The following CAMKMT variants were observed in gnomAD, a reference collection of about 807,000 sequenced individuals.
The protein encoded by CAMKMT is calmodulin-lysine N-methyltransferase.
CAMKMT carries 53 observed loss-of-function variants against 48.0 expected under a neutral mutation model. The observed-to-expected ratio is 1.10, with a 90% CI of 0.89 to 1.39. The LOEUF (loss-of-function observed/expected upper bound fraction) is 1.39. Ranked by LOEUF, CAMKMT falls within the 40% of genes most tolerant of loss-of-function variation. The pLI, the probability that CAMKMT is intolerant of heterozygous loss-of-function variation, is 0.00. For missense variants in CAMKMT, 428 were observed against 402.7 expected (o/e 1.06, Z -0.54); for synonymous variants, 165 against 152.3 (o/e 1.08, Z -0.61).
intron 10 of CAMKMT, among the ~76,000 whole-genome samples, chr2:44,767,580 G>A (rs562045965): frequency 1.9e-3 from 291 of 152,214 alleles, no homozygotes; most frequent in Middle Eastern, 3.4e-3. Flanking sequence ...TAGCCTCTGG[G>A]GGAAAAATGG....
intron 3 of CAMKMT, among the ~76,000 whole-genome samples, chr2:44,576,874 A>G (rs577421376): frequency 1.3e-5 from 2 of 152,370 alleles, no homozygotes; most frequent in African/African-American, 4.8e-5. Flanking sequence ...TCATAACAAA[A>G]CAAAAATACT....
intron 3 of CAMKMT, among the ~76,000 whole-genome samples, chr2:44,543,517 G>A (rs920608364): frequency 6.6e-6 from 1 of 152,144 alleles, no homozygotes; most frequent in Non-Finnish European, 1.5e-5. Flanking sequence ...ACTGACTGTG[G>A]TGCTGAATGT....
At chr2:44,614,721 C>G (rs1317791306) in intron 3 of CAMKMT, among the ~76,000 whole-genome samples, 3 of 151,964 alleles carry the variant, frequency 2.0e-5, no homozygotes, top group Admixed American at 2.0e-4. Context: ...ATGCTGAAAG[C>G]CACAAAGAGG....
chr2:44,636,090 TA>T (rs1673114742), intron 3 of CAMKMT, among the ~76,000 whole-genome samples: 1 of 152,326 alleles, frequency 6.6e-6, no homozygotes, highest in African/African-American at 2.4e-5. Flanking sequence ...CTGACAGGAA[TA>T]TTTTTTTCCT....
At chr2:44,729,169 T>C (rs1463187274) in intron 7 of CAMKMT, among the ~76,000 whole-genome samples, 1 of 152,120 alleles carries the variant, frequency 6.6e-6, no homozygotes, top group African/African-American at 2.4e-5. Flanking sequence ...GAGTAAGAGA[T>C]AGCCATTTGG....
chr2:44,417,247 T>A (rs1445720285), intron 3 of CAMKMT, among the ~76,000 whole-genome samples: 2 of 151,978 alleles, frequency 1.3e-5, no homozygotes, highest in African/African-American at 4.8e-5. Context: ...CAAAAAAAAT[T>A]AGCTGGGCGT....
At chr2:44,452,775 A>G (rs896448434) in intron 3 of CAMKMT, among the ~76,000 whole-genome samples, 2 of 152,022 alleles carry the variant, frequency 1.3e-5, no homozygotes, top group Non-Finnish European at 2.9e-5. Flanking sequence ...AATTTTACAA[A>G]TGATTAACCT....
chr2:44,538,193 C>A (rs1666886975), intron 3 of CAMKMT, among the ~76,000 whole-genome samples: 1 of 151,894 alleles, frequency 6.6e-6, no homozygotes, highest in African/African-American at 2.4e-5. Context: ...GATGGTGAAA[C>A]CCTGTCTCTA....
At chr2:44,573,277 A>C (rs1028352295) in intron 3 of CAMKMT, among the ~76,000 whole-genome samples, 4 of 152,002 alleles carry the variant, frequency 2.6e-5, no homozygotes, top group African/African-American at 9.7e-5. Flanking sequence ...GTTTTCAATC[A>C]GGTTTTTTGT....
chr2:44,420,358 C>T (rs1053843768), intron 3 of CAMKMT, among the ~76,000 whole-genome samples: 43 of 152,068 alleles, frequency 2.8e-4, no homozygotes, highest in African/African-American at 1.0e-3. Context: ...CTTTTCTCTA[C>T]ATTGCTAGAG....
At chr2:44,711,984 A>G (rs184616994) in intron 6 of CAMKMT, among the ~76,000 whole-genome samples, 1 of 152,148 alleles carries the variant, frequency 6.6e-6, no homozygotes, top group Non-Finnish European at 1.5e-5. Flanking sequence ...GATTTGGTGA[A>G]CGTCATCTTG....
chr2:44,560,942 T>C (rs1668292151), intron 3 of CAMKMT, among the ~76,000 whole-genome samples: 1 of 152,186 alleles, frequency 6.6e-6, no homozygotes, highest in Non-Finnish European at 1.5e-5. Flanking sequence ...GCTTTGAGTC[T>C]TTCTTTTTGA....
intron 2 of CAMKMT, among the ~76,000 whole-genome samples, chr2:44,373,716 T>C (rs902644709): frequency 2.0e-5 from 3 of 152,250 alleles, no homozygotes; most frequent in African/African-American, 7.2e-5. Flanking sequence ...CGAGCTATTT[T>C]AGTTTAGAAT....
intron 7 of CAMKMT, among the ~76,000 whole-genome samples, chr2:44,740,585 T>C (rs1264277639): frequency 3.9e-5 from 6 of 152,180 alleles, no homozygotes; most frequent in Non-Finnish European, 8.8e-5. Context: ...AATGTAAGTA[T>C]AACTGCCAGA....
At chr2:44,635,695 G>A (rs982632063) in intron 3 of CAMKMT, among the ~76,000 whole-genome samples, 2 of 152,200 alleles carry the variant, frequency 1.3e-5, no homozygotes, top group Admixed American at 1.3e-4. Flanking sequence ...TAAAAGCATA[G>A]GAGAAGCTGG....
At chr2:44,402,457 A>T in intron 3 of CAMKMT, among the ~76,000 whole-genome samples, 1 of 151,922 alleles carries the variant, frequency 6.6e-6, no homozygotes, top group East Asian at 1.9e-4. Flanking sequence ...TTTTTATGAA[A>T]CTTGTTAATT....
chr2:44,705,342 G>A (rs555243330), intron 4 of CAMKMT: 1 of 985,320 alleles, frequency 1.0e-6, no homozygotes, highest in East Asian at 1.1e-4. Context: ...AAACTGGGAA[G>A]AGGAAACAAT....
chr2:44,554,943 A>G (rs753427685), intron 3 of CAMKMT, among the ~76,000 whole-genome samples: 3 of 152,196 alleles, frequency 2.0e-5, no homozygotes, highest in Non-Finnish European at 4.4e-5. Flanking sequence ...TTAAAGCAGA[A>G]TGGATGAATA....
chr2:44,562,269 A>G (rs1329130750), intron 3 of CAMKMT, among the ~76,000 whole-genome samples: 1 of 152,106 alleles, frequency 6.6e-6, no homozygotes. Flanking sequence ...CAACAAACGA[A>G]TTCTATTTTT....
Sources: gnomAD v4.1 joint callset for allele counts (sites outside exome capture counted in the v4.1 genomes callset) on GRCh38, gnomAD v4.1.1 for gene constraint, MANE v1.5 for transcripts, NCBI Gene and HGNC (gene_info 2026-07-23, HGNC 2026-07-21) for gene names.